The following INSL6 variants were observed in gnomAD, a reference collection of about 807,000 sequenced individuals.
The protein encoded by INSL6 is insulin like 6, also known as insulin-like peptide INSL6.
In INSL6, 16 loss-of-function variants were observed where a neutral mutation model predicts 9.4. The ratio of observed to expected loss-of-function variants is 1.70; its 90% CI spans 1.15 to 2.59. INSL6 has a LOEUF of 2.59. Ranked by LOEUF, INSL6 falls within the 30% of genes most tolerant of loss-of-function variation. INSL6 has a pLI of 0.00. For synonymous variants in INSL6, 154 were observed against 96.9 expected (o/e 1.59, Z -3.46); for missense variants, 391 against 257.3 (o/e 1.52, Z -3.56).
intron 2 of INSL6, among the ~76,000 whole-genome samples, chr9:5,144,023 T>C (rs547460091): frequency 2.0e-5 from 3 of 152,322 alleles, no homozygotes; most frequent in Admixed American, 6.5e-5. Context: ...CTGATTTTGG[T>C]TATTTCTTGT....
the INSL6 span, among the ~76,000 whole-genome samples, chr9:5,028,985 CA>C: frequency 2.0e-5 from 3 of 152,198 alleles, no homozygotes; most frequent in African/African-American, 7.2e-5. Flanking sequence ...TAATTTCATT[CA>C]AAAACTTTTT....
the INSL6 span, among the ~76,000 whole-genome samples, chr9:5,008,702 A>C: frequency 6.6e-6 from 1 of 152,162 alleles, no homozygotes; most frequent in African/African-American, 2.4e-5. Flanking sequence ...TTTGATTTGT[A>C]TCGGTACAGT....
At chr9:5,151,851 C>A (rs1365653102) in intron 2 of INSL6, among the ~76,000 whole-genome samples, 2 of 151,902 alleles carry the variant, frequency 1.3e-5, no homozygotes, top group African/African-American at 2.4e-5. Flanking sequence ...ACACTGTGAA[C>A]TTGATGAAAA....
At chr9:5,018,177 T>C in the INSL6 span, among the ~76,000 whole-genome samples, 1 of 152,192 alleles carries the variant, frequency 6.6e-6, no homozygotes, top group African/African-American at 2.4e-5. Flanking sequence ...TTTGTTCTTT[T>C]CTTTCTCTCA....
the INSL6 span, chr9:5,080,639 C>G: frequency 3.1e-4 from 501 of 1,601,548 alleles, 1 homozygote; most frequent in Non-Finnish European, 4.0e-4. Context: ...TTCAGGCCTT[C>G]TTTCAGAGCC....
At chr9:5,041,943 C>A in the INSL6 span, 1 of 385,524 alleles carries the variant, frequency 2.6e-6, no homozygotes, top group South Asian at 2.0e-5. Context: ...GTTTCTTCCC[C>A]CTGAATCTTC....
the INSL6 span, chr9:5,112,365 G>C: frequency 2.5e-6 from 1 of 392,832 alleles, no homozygotes. Flanking sequence ...AGTGGGCTAG[G>C]GCGAGCAGGC....
the INSL6 span, among the ~76,000 whole-genome samples, chr9:5,074,808 A>G: frequency 6.6e-6 from 1 of 152,134 alleles, no homozygotes; most frequent in Non-Finnish European, 1.5e-5. Flanking sequence ...TATCCAGAAG[A>G]TCTAGCAAAG....
chr9:5,137,326 A>G (rs1824404476), intron 2 of INSL6, among the ~76,000 whole-genome samples: 1 of 152,170 alleles, frequency 6.6e-6, no homozygotes, highest in African/African-American at 2.4e-5. Flanking sequence ...AATCCTAAGC[A>G]AAAAGAACAA....
chr9:5,030,914 A>G, the INSL6 span, among the ~76,000 whole-genome samples: 1 of 152,164 alleles, frequency 6.6e-6, no homozygotes, highest in Non-Finnish European at 1.5e-5. Flanking sequence ...CAAAGAAATA[A>G]TAGATGTACA....
the INSL6 span, chr9:5,094,943 T>A: frequency 6.6e-6 from 1 of 152,084 alleles, no homozygotes; most frequent in African/African-American, 2.4e-5. Flanking sequence ...TATGAAAAAA[T>A]TTCCTACCAC....
intron 3 of INSL6, among the ~76,000 whole-genome samples, chr9:5,129,595 C>G (rs1337638748): frequency 6.6e-6 from 1 of 151,924 alleles, no homozygotes; most frequent in Non-Finnish European, 1.5e-5. Context: ...ATTATCCAAA[C>G]AAAAGACTAG....
At chr9:5,182,914 A>G (rs185650512) in intron 1 of INSL6, among the ~76,000 whole-genome samples, 1 of 152,268 alleles carries the variant, frequency 6.6e-6, no homozygotes, top group East Asian at 1.9e-4. Context: ...CAGATTCAAG[A>G]TATGTATAAG....
chr9:5,183,783 AAGAG>A (rs1000830937), intron 1 of INSL6, among the ~76,000 whole-genome samples: 1 of 151,786 alleles, frequency 6.6e-6, no homozygotes, highest in African/African-American at 2.4e-5. Context: ...AGAAAAAAAA[AAGAG>A]AGAGACAGAC....
intron 2 of INSL6, among the ~76,000 whole-genome samples, chr9:5,145,178 C>G (rs994708712): frequency 1.3e-5 from 2 of 152,140 alleles, no homozygotes; most frequent in African/African-American, 4.8e-5. Context: ...ATTCCCTCAG[C>G]ATTTACTTGT....
the INSL6 span, among the ~76,000 whole-genome samples, chr9:5,115,157 T>A: frequency 2.0e-5 from 3 of 152,066 alleles, no homozygotes; most frequent in Non-Finnish European, 4.4e-5. Context: ...TTTTTTGCAA[T>A]CTAGCCACCT....
chr9:5,107,162 T>A, the INSL6 span, among the ~76,000 whole-genome samples: 1 of 152,248 alleles, frequency 6.6e-6, no homozygotes, highest in East Asian at 1.9e-4. Flanking sequence ...TCCTACTCTT[T>A]TAGTATAAAG....
At chr9:5,088,076 C>T in the INSL6 span, among the ~76,000 whole-genome samples, 1 of 152,154 alleles carries the variant, frequency 6.6e-6, no homozygotes, top group Non-Finnish European at 1.5e-5. Context: ...GGAATAATTT[C>T]TCACAACAGC....
the INSL6 span, chr9:5,041,016 G>T: frequency 9.0e-6 from 6 of 663,530 alleles, no homozygotes; most frequent in African/African-American, 1.1e-4. Context: ...CCCCGCAGCT[G>T]CACCTGGGTA....
Sources: allele counts gnomAD v4.1 joint callset (sites outside exome capture counted in the v4.1 genomes callset), GRCh38; gene constraint gnomAD v4.1.1; transcripts MANE v1.5; gene names NCBI Gene and HGNC (gene_info 2026-07-23, HGNC 2026-07-21).